The following NFILZ variants were observed in gnomAD, a reference collection of about 807,000 sequenced individuals.
The protein encoded by NFILZ is NFIL3 like protein.
chr19:8,675,618 A>G (rs1383687922), intron 4 of NFILZ, among the ~76,000 whole-genome samples: 3 of 152,194 alleles, frequency 2.0e-5, no homozygotes, highest in Admixed American at 1.3e-4. Flanking sequence ...AAATTTAAAA[A>G]TAGCTGAGCA....
chr19:8,661,155 T>TTC (rs1196173555), intron 3 of NFILZ, among the ~76,000 whole-genome samples: 1 of 140,878 alleles, frequency 7.1e-6, no homozygotes, highest in Non-Finnish European at 1.5e-5. Context: ...CCCTTCCCTT[T>TTC]TCTCTCTCTC....
chr19:8,655,291 C>A (rs8103981), intron 3 of NFILZ, among the ~76,000 whole-genome samples: 1 of 152,154 alleles, frequency 6.6e-6, no homozygotes, highest in African/African-American at 2.4e-5. Flanking sequence ...TCTAGAAGGG[C>A]CTTACGGGGT....
At chr19:8,638,055 C>A (rs782642172) in intron 3 of NFILZ, among the ~76,000 whole-genome samples, 1 of 152,130 alleles carries the variant, frequency 6.6e-6, no homozygotes, top group East Asian at 1.9e-4. Context: ...CCTTGCCAGG[C>A]CACCTTAATA....
intron 3 of NFILZ, among the ~76,000 whole-genome samples, chr19:8,661,401 C>T (rs540626679): frequency 1.6e-4 from 25 of 151,900 alleles, no homozygotes; most frequent in African/African-American, 6.0e-4. Flanking sequence ...TTCATCCATC[C>T]GTGGTCACTT....
Position 8,678,064 on chromosome 19 carries a change from T to TC in NFILZ, c.*430dup, listed in dbSNP as rs2043121640. Among the ~76,000 whole-genome samples, 15 of 9,240 alleles carry TC rather than the reference T, an allele frequency of 1.6e-3. No individual in the cohort carries two copies. The highest frequency in any genetic ancestry group is 3.6e-3 in the East Asian group (1 of 274). 6.1% of individuals were successfully genotyped at this position (9,240 alleles called of 152,430 possible). Reference sequence around the variant, plus strand: ...TCCATCCATCCATCCACCCATCTATTCATCCATCCATCAATCCATCCATCC... The same window carrying TC: ...TCCATCCATCCATCCACCCATCTATTCCATCCATCCATCAATCCATCCATCC... On this transcript the variant is annotated 3_prime_UTR_variant, in exon 6 of 6. Transcript: ENST00000691075.
rs948614645 is a variant in NFILZ, at chr19:8,630,753, G to C, written c.-411+9G>C. ...AAGGAGCAGGAAGCAAGGTGGTAAT[G>C]ATGAGAGGCTGAGTCTTCCTTCCCA... is the stretch of plus-strand genomic sequence containing the variant. On this transcript the variant is annotated intron_variant, in intron 1 of 5. Transcript: ENST00000691075. 1.3e-5 allele frequency: 2 copies of C among 152,428 alleles called. No individual in the cohort carries two copies. Among genetic ancestry groups the C allele is most frequent in the Admixed American group, 6.6e-5 (1 of 15,248 alleles). The allele number at this position is 152,428 out of a possible 1,614,324, so 9.4% of individuals were successfully genotyped here.
At chr19:8,659,535 A>G (rs1180101874) in intron 3 of NFILZ, among the ~76,000 whole-genome samples, 1 of 152,168 alleles carries the variant, frequency 6.6e-6, no homozygotes, top group Non-Finnish European at 1.5e-5. Flanking sequence ...GATACGCTCC[A>G]TCTGGATCTC....
chr19:8,678,061 T>TTGTCC lies in NFILZ; in HGVS notation c.*426_*427insTGTCC, dbSNP rs2043121503. Among the ~76,000 whole-genome samples, 1 of 7,922 alleles carries TTGTCC rather than the reference T, an allele frequency of 1.3e-4. No homozygotes were observed. The highest frequency in any genetic ancestry group is 1.3e-3 in the Admixed American group (1 of 770). The allele number at this position is 7,922 out of a possible 152,430, so 5.2% of individuals were successfully genotyped here. A position where few individuals can be genotyped will look rare whatever the true frequency, so the allele number is the denominator to read the frequency against. ...CCATCCATCCATCCATCCACCCATCTATTCATCCATCCATCAATCCATCCA... is the reference window on the plus strand; with the variant it reads ...CCATCCATCCATCCATCCACCCATCTTGTCCATTCATCCATCCATCAATCCATCCA... On this transcript the variant is annotated 3_prime_UTR_variant, in exon 6 of 6. Transcript: ENST00000691075.
intron 1 of NFILZ, among the ~76,000 whole-genome samples, chr19:8,631,964 G>A (rs1212126984): frequency 4.6e-5 from 7 of 151,740 alleles, no homozygotes; most frequent in African/African-American, 7.3e-5. Context: ...CTGCCTCCCG[G>A]GTTCAAGCAA....
intron 3 of NFILZ, among the ~76,000 whole-genome samples, chr19:8,649,673 C>T (rs1555747513): frequency 6.6e-6 from 1 of 152,164 alleles, no homozygotes; most frequent in African/African-American, 2.4e-5. Context: ...CCAGCCCAGT[C>T]CCTGGGCAGG....
chr19:8,666,486 T>A (rs1001857772), intron 3 of NFILZ, among the ~76,000 whole-genome samples: 1 of 151,852 alleles, frequency 6.6e-6, no homozygotes, highest in Non-Finnish European at 1.5e-5. Flanking sequence ...ATGCCAGGTA[T>A]CTTATATCTT....
At position 8,676,413 on chromosome 19, in the gene NFILZ, C is replaced by T. The variant is rs1216700127; in HGVS notation, c.-59C>T. 6.6e-6 allele frequency among the ~76,000 whole-genome samples: 1 copy of T among 152,196 alleles called. No individual in the cohort carries two copies. Among genetic ancestry groups the T allele is most frequent in the African/African-American group, 2.4e-5 (1 of 41,456 alleles). On this transcript the variant is annotated 5_prime_UTR_variant, in exon 5 of 6. Coordinates refer to ENST00000691075, the MANE Select transcript of NFILZ (RefSeq NM_001378600.1). Reference sequence around the variant, plus strand: ...TTTCCAAGAATCTTACCTTGGAACTCCAATTGAACTGAGCCCTGGGCTTGT... The same window carrying T: ...TTTCCAAGAATCTTACCTTGGAACTTCAATTGAACTGAGCCCTGGGCTTGT...
intron 3 of NFILZ, among the ~76,000 whole-genome samples, chr19:8,671,462 T>C (rs2043086760): frequency 6.6e-6 from 1 of 151,970 alleles, no homozygotes; most frequent in South Asian, 2.1e-4. Flanking sequence ...CAGACCACAG[T>C]GATAACAAAT....
chr19:8,672,550 A>G (rs547088661), intron 3 of NFILZ, among the ~76,000 whole-genome samples: 1 of 152,098 alleles, frequency 6.6e-6, no homozygotes, highest in East Asian at 1.9e-4. Context: ...TAAAAAATTC[A>G]TGTGTTTATT....
chr19:8,637,912 CAAAAAAAA>C (rs35778716), intron 3 of NFILZ, among the ~76,000 whole-genome samples: 8 of 20,266 alleles, frequency 3.9e-4, no homozygotes, highest in African/African-American at 1.3e-3. Flanking sequence ...AAGATGGTCT[CAAAAAAAA>C]AAAAAAAAAA....
intron 5 of NFILZ, 46 bp from the exon 6 acceptor site, chr19:8,676,705 G>A (rs2146175301): frequency 6.6e-6 from 1 of 152,390 alleles, no homozygotes; most frequent in South Asian, 2.1e-4. Flanking sequence ...GGGTCATCCA[G>A]GTCCACCCTT....
At chr19:8,651,487 G>T (rs1414862003) in intron 3 of NFILZ, among the ~76,000 whole-genome samples, 5 of 151,050 alleles carry the variant, frequency 3.3e-5, no homozygotes, top group African/African-American at 1.2e-4. Context: ...TTAACCATGG[G>T]TGCCCTATTG....
intron 3 of NFILZ, among the ~76,000 whole-genome samples, chr19:8,657,438 C>T (rs1555748632): frequency 6.6e-6 from 1 of 152,108 alleles, no homozygotes; most frequent in Non-Finnish European, 1.5e-5. Context: ...TCGTTGGGGA[C>T]TCTGGCTGCT....
chr19:8,649,009 C>T (rs1462489749), intron 3 of NFILZ, among the ~76,000 whole-genome samples: 2 of 152,178 alleles, frequency 1.3e-5, no homozygotes, highest in Non-Finnish European at 2.9e-5. Flanking sequence ...GTCACCCAGG[C>T]TGGAGTGCAG....
Sources: gnomAD v4.1 joint callset for allele counts (sites outside exome capture counted in the v4.1 genomes callset) on GRCh38, gnomAD v4.1.1 for gene constraint, MANE v1.5 for transcripts, NCBI Gene and HGNC (gene_info 2026-07-23, HGNC 2026-07-21) for gene names.